XDH: variants seen among roughly 807,000 people sequenced by gnomAD.
The protein encoded by XDH is xanthine dehydrogenase/oxidase.
XDH carries 138 observed loss-of-function variants against 156.1 expected under a neutral mutation model. The observed-to-expected ratio is 0.88, with a 90% CI of 0.77 to 1.02. The LOEUF (loss-of-function observed/expected upper bound fraction) is 1.02, where lower values mean the gene tolerates loss of function less well. XDH is among the 50% of genes least tolerant of loss of function. XDH has a pLI of 0.00. For missense variants in XDH, 1,849 were observed against 1,684.9 expected, an observed-to-expected ratio of 1.10 and a Z score of -1.71; for synonymous variants, 669 against 625.7, an observed-to-expected ratio of 1.07 and a Z score of -1.03.
intron 21 of XDH, 68 bp from the exon 22 acceptor site, chr2:31,366,177 G>A: frequency 6.2e-7 from 1 of 1,613,320 alleles, no homozygotes; most frequent in Non-Finnish European, 8.5e-7. Context: ...CTAAGGCAGA[G>A]CCTGTCCAAC....
chr2:31,381,297 C>T (rs1419559448), intron 12 of XDH, among the ~76,000 whole-genome samples: 1 of 152,180 alleles, frequency 6.6e-6, no homozygotes, highest in Non-Finnish European at 1.5e-5. Context: ...CACTACCGCA[C>T]TTGGCCTGAT....
At chr2:31,347,671 G>A (rs771114429) in intron 28 of XDH, 21 bp from the exon 29 acceptor site, 2 of 1,611,372 alleles carry the variant, frequency 1.2e-6, no homozygotes, top group Admixed American at 3.3e-5. Context: ...AGAAGACATT[G>A]CCCTCTAGGG....
intron 24 of XDH, among the ~76,000 whole-genome samples, chr2:31,360,281 C>T (rs1018566124): frequency 3.9e-5 from 6 of 152,074 alleles, no homozygotes; most frequent in African/African-American, 7.2e-5. Flanking sequence ...GTGGATCACC[C>T]GAGGTCAGAA....
At position 31,334,706 on chromosome 2, in the gene XDH, C is replaced by G. The variant is rs1684929898; in HGVS notation, c.*1252G>C. 6.6e-6 allele frequency: 1 copy of G among 152,090 alleles called. No individual in the cohort carries two copies. Among genetic ancestry groups the G allele is most frequent in the African/African-American group, 2.4e-5 (1 of 41,414 alleles). 9.4% of individuals were successfully genotyped at this position (152,090 alleles called of 1,614,324 possible). A position where few individuals can be genotyped will look rare whatever the true frequency, so the allele number is the denominator to read the frequency against. ...TTAAAGCAGAAGACGTGAGACAACC[C>G]TTTACTGCAACCCTTATGTTTGCAG... On this transcript the variant is annotated 3_prime_UTR_variant, in exon 36 of 36. Coordinates refer to ENST00000379416, the MANE Select transcript of XDH (RefSeq NM_000379.4).
At chr2:31,375,251 C>T in intron 15 of XDH, 129 bp downstream of exon 15, 2 of 1,228,660 alleles carry the variant, frequency 1.6e-6, no homozygotes, top group Non-Finnish European at 2.4e-6. Flanking sequence ...GATTCTTGTG[C>T]TGTGACCCTG....
At chr2:31,375,228 C>T in intron 15 of XDH, 152 bp downstream of exon 15, 1 of 1,071,410 alleles carries the variant, frequency 9.3e-7, no homozygotes, top group Non-Finnish European at 1.4e-6. Flanking sequence ...CAGCTGGTCA[C>T]TCCCATTTCC....
At chr2:31,339,401 C>A (rs929651326) in intron 34 of XDH, 88 bp downstream of exon 34, 2 of 1,561,606 alleles carry the variant, frequency 1.3e-6, no homozygotes, top group Non-Finnish European at 1.8e-6. Flanking sequence ...GAAGTCCCAC[C>A]AGGTGGGTCA....
At chr2:31,400,191 A>G (rs557001138) in intron 4 of XDH, among the ~76,000 whole-genome samples, 1 of 151,724 alleles carries the variant, frequency 6.6e-6, no homozygotes, top group South Asian at 2.1e-4. Context: ...TGTCTCCTCA[A>G]ATAATCAAGG....
At chr2:31,357,853 A>G (rs1685667845) in intron 24 of XDH, among the ~76,000 whole-genome samples, 1 of 152,144 alleles carries the variant, frequency 6.6e-6, no homozygotes, top group Admixed American at 6.5e-5. Flanking sequence ...CTATGTACCA[A>G]TAATAATGAA....
Position 31,397,683 on chromosome 2 carries a change from G to T in XDH, c.480C>A (p.Phe160Leu), listed in dbSNP as rs1410524334. 6.2e-7 allele frequency: 1 copy of T among 1,614,188 alleles called. No individual in the cohort carries two copies. The highest frequency in any genetic ancestry group is 2.2e-5 in the East Asian group (1 of 44,886). Residue 160 changes from phenylalanine (F) to leucine (L), a missense_variant, in exon 6 of 36, where the codon TTC (phenylalanine) becomes TTA (leucine). By Grantham distance (22) the Phe-to-Leu change is conservative (BLOSUM62 0). Coordinates refer to ENST00000379416, the MANE Select transcript of XDH (RefSeq NM_000379.4). Reference sequence around the variant, plus strand: ...CCCCACTTACCCTGGCAAAGGTCCGGAAGCCCTGGAGGATGGGTCTGTAGC... The same window carrying T: ...CCCCACTTACCCTGGCAAAGGTCCGTAAGCCCTGGAGGATGGGTCTGTAGC... ...CTGYRPILQG[F>L]RTFARDGGCC...
chr2:31,366,003 G>A lies in XDH; in HGVS notation c.2429C>T (p.Ser810Phe), dbSNP rs1236332030. ...ATATGCAGCCAGGGCCACTGCCGTG[G>A]ACACCACAGTGCTCCGGGTCTCCTT... ...GGKETRSTVV[S>F]TAVALAAYKT... is the part of the protein sequence containing the mutation. The change falls in exon 22 of 36, where the codon TCC becomes TTC. Residue 810 changes from serine to phenylalanine, a missense_variant. Coordinates refer to ENST00000379416, the MANE Select transcript of XDH (RefSeq NM_000379.4). 2.4e-5 allele frequency: 39 copies of A among 1,614,132 alleles called. No homozygotes were observed. Among genetic ancestry groups the A allele is most frequent in the Non-Finnish European group, 3.1e-5 (36 of 1,180,020 alleles).
At position 31,349,728 on chromosome 2, in the gene XDH, G is replaced by T. The variant is rs1685408770; in HGVS notation, c.2927C>A (p.Ser976Tyr). Residue 976 changes from serine (S) to tyrosine (Y), a missense_variant, in exon 26 of 36, where the codon TCT becomes TAT. Coordinates refer to ENST00000379416, the MANE Select transcript of XDH (RefSeq NM_000379.4). The stretch of plus-strand genomic sequence containing the variant: ...CTCACTCTTCCGAGCATGATACTGA[G>T]AGCTTGCTAGGCATTCTTCCCAGCA... ...PRCWEECLAS[S>Y]QYHARKSEVD... 11 of 1,614,186 alleles carry T rather than the reference G, an allele frequency of 6.8e-6. No homozygotes were observed. Among genetic ancestry groups the T allele is most frequent in the Non-Finnish European group, 9.3e-6 (11 of 1,180,038 alleles).
Position 31,383,168 on chromosome 2 carries a change from CGGAAT to C in XDH, c.887-21_887-17del. 1.2e-6 allele frequency: 2 copies of C among 1,614,120 alleles called. No individual in the cohort carries two copies. The highest frequency in any genetic ancestry group is 1.7e-6 in the Non-Finnish European group (2 of 1,180,024). ...AAGGAGATACCTGGGAACGCACGTT[CGGAAT>C]CACAGCAATTCTTCCCACAGTTCAG... On this transcript the variant is annotated splice_polypyrimidine_tract_variant and intron_variant, in intron 10 of 35. Coordinates refer to ENST00000379416, the MANE Select transcript of XDH (RefSeq NM_000379.4).
At position 31,377,170 on chromosome 2, in the gene XDH, C is replaced by T; in HGVS notation, c.1310G>A (p.Gly437Asp). Residue 437 changes from glycine (G) to aspartate (D), a missense_variant, in exon 14 of 36, where the codon GGC becomes GAC. Transcript: ENST00000379416. ...TCCTGGCTTGAATAAAACTCTCATG[C>T]CACTGGTTACCTTGGCAATGTCATC... Reference protein sequence around the residue: ...REDDIAKVTSGMRVLFKPGTT... With the variant: ...REDDIAKVTSDMRVLFKPGTT... 1 of 1,614,106 alleles carries T rather than the reference C, an allele frequency of 6.2e-7. No individual in the cohort carries two copies. The highest frequency in any genetic ancestry group is 1.3e-5 in the African/African-American group (1 of 75,020).
intron 31 of XDH, among the ~76,000 whole-genome samples, chr2:31,343,308 A>ATATATATATATATATATGCATGTT (rs1572511050): frequency 6.3e-4 from 62 of 98,414 alleles, no homozygotes; most frequent in East Asian, 4.9e-3. Context: ...ATATATATAT[A>ATATATATATATATATATGCATGTT]TATATATATA....
At chr2:31,367,407 A>G (rs993695856) in intron 20 of XDH, among the ~76,000 whole-genome samples, 4 of 152,324 alleles carry the variant, frequency 2.6e-5, no homozygotes, top group African/African-American at 9.6e-5. Context: ...TCGGCTTCAT[A>G]CCAGGCTTGT....
At chr2:31,393,093 A>C (rs1686810701) in intron 6 of XDH, among the ~76,000 whole-genome samples, 1 of 152,226 alleles carries the variant, frequency 6.6e-6, no homozygotes, top group Non-Finnish European at 1.5e-5. Flanking sequence ...AGCTTGAGAA[A>C]AATGTCTTTT....
chr2:31,350,129 T>C lies in XDH; in HGVS notation c.2726A>G (p.Asn909Ser), dbSNP rs1478318549. ...GRLCKTNLPSNTAFRGFGGPQ... is the reference protein window; with the variant it reads ...GRLCKTNLPSSTAFRGFGGPQ... ...CCCCCCAAAGCCCCGGAAGGCCGTG[T>C]TGGAGGGAAGGTTGGTTTTGCACAG... Residue 909 changes from asparagine to serine, a missense_variant, in exon 25 of 36, where the codon AAC (asparagine) becomes AGC (serine). Coordinates refer to ENST00000379416, the MANE Select transcript of XDH (RefSeq NM_000379.4). 1.9e-6 allele frequency: 3 copies of C among 1,614,160 alleles called. No homozygotes were observed. Among genetic ancestry groups the C allele is most frequent in the Admixed American group, 1.7e-5 (1 of 60,030 alleles).
chr2:31,394,933 G>C (rs1433824276), intron 6 of XDH, among the ~76,000 whole-genome samples: 1 of 151,800 alleles, frequency 6.6e-6, no homozygotes, highest in African/African-American at 2.4e-5. Flanking sequence ...ATCTGTTTTT[G>C]TATGTTATCT....
Sources: gnomAD v4.1 joint callset for allele counts (sites outside exome capture counted in the v4.1 genomes callset) on GRCh38, gnomAD v4.1.1 for gene constraint, MANE v1.5 for transcripts, NCBI Gene and HGNC (gene_info 2026-07-23, HGNC 2026-07-21) for gene names.